FBN2: variants seen among roughly 807,000 people sequenced by gnomAD.
FBN2 encodes the protein fibrillin 2, also known as fibrillin-2.
Under a neutral mutation model 355.6 loss-of-function variants are expected in FBN2, and 105 were observed. The ratio of observed to expected loss-of-function variants is 0.30; its 90% CI spans 0.25 to 0.35. The LOEUF (loss-of-function observed/expected upper bound fraction) is 0.35. Ranked by LOEUF, FBN2 falls within the 10% of genes least tolerant of loss-of-function variation. FBN2 has a pLI of 1.00. For synonymous variants in FBN2, 1,350 were observed against 1,301.2 expected (o/e 1.04, Z -0.81); for missense variants, 3,280 against 3,758.7 (o/e 0.87, Z 3.33).
intron 11 of FBN2, among the ~76,000 whole-genome samples, chr5:128,380,568 A>G (rs893702361): frequency 1.1e-4 from 16 of 152,110 alleles, no homozygotes; most frequent in African/African-American, 3.9e-4. Flanking sequence ...TGAGCCCCTC[A>G]GGGACTCATC....
intron 34 of FBN2, among the ~76,000 whole-genome samples, chr5:128,324,404 C>T (rs1023287410): frequency 2.0e-5 from 3 of 152,120 alleles, no homozygotes; most frequent in Non-Finnish European, 4.4e-5. Context: ...ATCTTTCTTG[C>T]TTTCTCCTGT....
At chr5:128,349,589 T>C (rs889882854) in intron 22 of FBN2, 117 bp from the exon 23 acceptor site, 66 of 1,266,268 alleles carry the variant, frequency 5.2e-5, no homozygotes, top group Non-Finnish European at 5.0e-5. Context: ...GGATTATTAC[T>C]TGAGTTAAAC....
chr5:128,296,848 T>TTG (rs1749533618), intron 48 of FBN2, among the ~76,000 whole-genome samples: 1 of 151,648 alleles, frequency 6.6e-6, no homozygotes. Context: ...TCAGTTCTGC[T>TTG]CTGATTTTAG....
At chr5:128,407,945 T>C (rs1163987331) in intron 8 of FBN2, among the ~76,000 whole-genome samples, 2 of 152,220 alleles carry the variant, frequency 1.3e-5, no homozygotes, top group African/African-American at 4.8e-5. Flanking sequence ...AGTATTGGAT[T>C]AATTTTCCTA....
At position 128,487,349 on chromosome 5, in the gene FBN2, C is replaced by T. The variant is rs376553796; in HGVS notation, c.629-22428G>A. The stretch of plus-strand genomic sequence containing the variant: ...CCTTTGTTTATTAAGTAAAACAAGC[C>T]ACAGAGATTTTTACGGTTGGTTGTT... On this transcript the variant is annotated intron_variant, in intron 5 of 64. Transcript: ENST00000262464. Among the ~76,000 whole-genome samples, 4 of 152,090 alleles carry T rather than the reference C, an allele frequency of 2.6e-5. No individual in the cohort carries two copies. In the South Asian group the frequency reaches 8.3e-4, roughly 32 times the overall value.
intron 20 of FBN2, among the ~76,000 whole-genome samples, chr5:128,355,197 G>T (rs1045630422): frequency 6.6e-5 from 10 of 152,170 alleles, no homozygotes; most frequent in Non-Finnish European, 1.2e-4. Flanking sequence ...AATCTAAGGT[G>T]AGGAATGAGA....
intron 8 of FBN2, among the ~76,000 whole-genome samples, chr5:128,399,201 T>G (rs1449404978): frequency 1.3e-5 from 2 of 152,064 alleles, no homozygotes; most frequent in Non-Finnish European, 2.9e-5. Context: ...AGATACACAA[T>G]TAGCCATACC....
At chr5:128,401,416 C>T (rs1025943944) in intron 8 of FBN2, among the ~76,000 whole-genome samples, 1 of 152,022 alleles carries the variant, frequency 6.6e-6, no homozygotes, top group African/African-American at 2.4e-5. Flanking sequence ...TATGCTCTCA[C>T]GAATATTAAA....
intron 11 of FBN2, among the ~76,000 whole-genome samples, chr5:128,384,667 A>G (rs1752320514): frequency 6.6e-6 from 1 of 152,108 alleles, no homozygotes; most frequent in South Asian, 2.1e-4. Flanking sequence ...ATAAGTGCTT[A>G]GAATGCCTCT....
chr5:128,530,747 T>C, intron 2 of FBN2, 54 bp from the exon 3 acceptor site: 1 of 1,154,486 alleles, frequency 8.7e-7, no homozygotes, highest in Non-Finnish European at 1.3e-6. Context: ...AAACCATAGT[T>C]TACAAAACAA....
chr5:128,274,500 T>C (rs1343395159), intron 60 of FBN2, 67 bp downstream of exon 60: 3 of 866,052 alleles, frequency 3.5e-6, no homozygotes, highest in Admixed American at 1.7e-5. Context: ...CTGTTTATAA[T>C]TTTAAATATA....
chr5:128,436,851 C>T (rs1753780395), intron 7 of FBN2, among the ~76,000 whole-genome samples: 1 of 152,130 alleles, frequency 6.6e-6, no homozygotes, highest in South Asian at 2.1e-4. Flanking sequence ...CCAATCTGGA[C>T]AGAGGGCTGG....
intron 48 of FBN2, among the ~76,000 whole-genome samples, chr5:128,297,849 A>T (rs1287196206): frequency 1.3e-5 from 2 of 151,370 alleles, no homozygotes; most frequent in Non-Finnish European, 2.9e-5. Flanking sequence ...TAAAGTTAAT[A>T]TTGTTATGTG....
intron 6 of FBN2, among the ~76,000 whole-genome samples, chr5:128,455,156 A>G (rs1455027690): frequency 1.3e-5 from 2 of 152,196 alleles, no homozygotes; most frequent in South Asian, 2.1e-4. Flanking sequence ...AAAAAAGAAG[A>G]AACTTTGTAA....
chr5:128,484,064 A>T (rs148097729), intron 5 of FBN2, among the ~76,000 whole-genome samples: 1 of 152,318 alleles, frequency 6.6e-6, no homozygotes, highest in Non-Finnish European at 1.5e-5. Flanking sequence ...AGAAAAACCA[A>T]TTATTTAATG....
chr5:128,522,820 A>G (rs1016056480), intron 4 of FBN2, among the ~76,000 whole-genome samples: 2 of 152,190 alleles, frequency 1.3e-5, no homozygotes, highest in African/African-American at 4.8e-5. Context: ...GAAAATGCCT[A>G]AATTTCCACC....
intron 62 of FBN2, among the ~76,000 whole-genome samples, chr5:128,267,477 G>A (rs1467933697): frequency 6.6e-6 from 1 of 152,124 alleles, no homozygotes; most frequent in East Asian, 1.9e-4. Context: ...AGTCTCACCA[G>A]CATCTATTGT....
intron 8 of FBN2, among the ~76,000 whole-genome samples, chr5:128,405,656 A>T (rs2126995989): frequency 6.6e-6 from 1 of 152,352 alleles, no homozygotes; most frequent in Middle Eastern, 3.4e-3. Flanking sequence ...AAATAAAAAG[A>T]AGTAATTTAG....
chr5:128,381,483 T>C (rs1326997499), intron 11 of FBN2, among the ~76,000 whole-genome samples: 1 of 152,150 alleles, frequency 6.6e-6, no homozygotes, highest in Non-Finnish European at 1.5e-5. Context: ...CTTGGGCTCT[T>C]ATAATTTAAA....
Sources: gnomAD v4.1 joint callset for allele counts (sites outside exome capture counted in the v4.1 genomes callset) on GRCh38, gnomAD v4.1.1 for gene constraint, MANE v1.5 for transcripts, NCBI Gene and HGNC (gene_info 2026-07-23, HGNC 2026-07-21) for gene names.